Variants in MTMR3 observed in about 807,000 individuals in gnomAD.
MTMR3 encodes the protein myotubularin related protein 3.
In MTMR3, 32 loss-of-function variants were observed where a neutral mutation model predicts 132.4. That is an observed-to-expected ratio of 0.24 (90% CI 0.18 to 0.32). MTMR3 has a LOEUF of 0.32. Among genes scored for constraint, MTMR3 ranks in the 10% least tolerant of loss-of-function variants. MTMR3 has a pLI of 1.00. For missense variants in MTMR3, 1,216 were observed against 1,489.6 expected (o/e 0.82, Z 3.02); for synonymous variants, 556 against 550.3 (o/e 1.01, Z -0.14).
At chr22:29,928,174 T>TC (rs2065561941) in intron 1 of MTMR3, among the ~76,000 whole-genome samples, 5 of 142,496 alleles carry the variant, frequency 3.5e-5, no homozygotes, top group African/African-American at 1.3e-4. Context: ...TTTTTTTCTT[T>TC]TTTTTTTTTT....
chr22:29,988,382 C>T, intron 5 of MTMR3, 98 bp from the exon 6 acceptor site: 1 of 801,008 alleles, frequency 1.2e-6, no homozygotes, highest in Non-Finnish European at 1.9e-6. Context: ...TGTTGCTTTC[C>T]CTTATAGATC....
chr22:30,000,090 TAAC>T lies in MTMR3; in HGVS notation c.557+1234_557+1236del, dbSNP rs1306101256. The T allele has an allele frequency of 2.0e-5, 3 of 152,306 alleles. No homozygotes were observed. In the East Asian group the frequency reaches 5.8e-4, roughly 29 times the overall value. 9.4% of individuals were successfully genotyped at this position (152,306 alleles called of 1,614,324 possible). A position where few individuals can be genotyped will look rare whatever the true frequency, so the allele number is the denominator to read the frequency against. ...AAGTGCGTTGGTGGGGGAGGACAGT[TAAC>T]TACTATGATTTTGGTGATCCAAATT... On this transcript the variant is annotated intron_variant, in intron 8 of 19. Transcript: ENST00000401950.
chr22:29,999,479 T>C (rs1362474623), intron 8 of MTMR3: 1 of 152,230 alleles, frequency 6.6e-6, no homozygotes, highest in African/African-American at 2.4e-5. Context: ...TACAATATTT[T>C]AAATAATTTC....
At chr22:29,907,848 C>G (rs2145740105) in intron 1 of MTMR3, among the ~76,000 whole-genome samples, 1 of 152,204 alleles carries the variant, frequency 6.6e-6, no homozygotes, top group East Asian at 1.9e-4. Context: ...GGCCACCATT[C>G]CAGCTCTACA....
chr22:29,903,958 C>G (rs1440065785), intron 1 of MTMR3, among the ~76,000 whole-genome samples: 1 of 152,122 alleles, frequency 6.6e-6, no homozygotes, highest in Non-Finnish European at 1.5e-5. Flanking sequence ...TGTAGGCTAT[C>G]ATTAATTTTG....
chr22:29,904,159 A>T (rs147800703), intron 1 of MTMR3, among the ~76,000 whole-genome samples: 95 of 152,332 alleles, frequency 6.2e-4, no homozygotes, highest in African/African-American at 2.2e-3. Context: ...GCCAAAATTA[A>T]CACCGTGGGA....
intron 1 of MTMR3, among the ~76,000 whole-genome samples, chr22:29,913,192 G>A (rs1045015317): frequency 6.6e-6 from 1 of 152,130 alleles, no homozygotes; most frequent in African/African-American, 2.4e-5. Context: ...AGACAGCAGT[G>A]AGCCATGATT....
intron 1 of MTMR3, among the ~76,000 whole-genome samples, chr22:29,890,159 G>A (rs1165592654): frequency 2.0e-5 from 3 of 151,650 alleles, no homozygotes; most frequent in African/African-American, 4.8e-5. Flanking sequence ...ACCTGCCTCC[G>A]CCTCCCAAAG....
Position 30,026,824 on chromosome 22 carries a change from T to TA in MTMR3, c.*1024dup, listed in dbSNP as rs1228614407. On this transcript the variant is annotated 3_prime_UTR_variant, in exon 20 of 20. Transcript: ENST00000401950. ...AAGGGGTAGAATCAGCCTTTAGAGTTACAAGCCCCTGGAAAAGGGAGCAGG... is the reference window on the plus strand; with the variant it reads ...AAGGGGTAGAATCAGCCTTTAGAGTTAACAAGCCCCTGGAAAAGGGAGCAGG... 2.0e-5 allele frequency: 3 copies of TA among 152,698 alleles called. No homozygotes were observed. The highest frequency in any genetic ancestry group is 2.9e-5 in the Non-Finnish European group (2 of 67,986). 9.5% of individuals were successfully genotyped at this position (152,698 alleles called of 1,614,324 possible).
At chr22:29,960,633 A>G (rs2066292538) in intron 2 of MTMR3, among the ~76,000 whole-genome samples, 1 of 152,224 alleles carries the variant, frequency 6.6e-6, no homozygotes. Context: ...TATTCTAAGC[A>G]TGTTATATGC....
chr22:29,938,694 C>T (rs1420364826), intron 1 of MTMR3, among the ~76,000 whole-genome samples: 1 of 152,152 alleles, frequency 6.6e-6, no homozygotes, highest in Admixed American at 6.5e-5. Context: ...TTTTCTTGGT[C>T]ATTAGAGTAA....
intron 18 of MTMR3, chr22:30,022,372 C>G (rs1022808489): frequency 3.1e-5 from 19 of 606,510 alleles, no homozygotes; most frequent in Non-Finnish European, 4.1e-5. Context: ...GGAGCCTTGC[C>G]AGCTCTCACA....
At chr22:29,912,611 T>C (rs540018254) in intron 1 of MTMR3, among the ~76,000 whole-genome samples, 7 of 152,348 alleles carry the variant, frequency 4.6e-5, no homozygotes, top group African/African-American at 1.7e-4. Context: ...GTTGTCATTA[T>C]GTTGCCTTTC....
At chr22:29,949,508 C>CA (rs1939155846) in intron 1 of MTMR3, among the ~76,000 whole-genome samples, 3 of 143,498 alleles carry the variant, frequency 2.1e-5, no homozygotes, top group African/African-American at 5.6e-5. Context: ...GCGCCCCCCC[C>CA]CAAAAAAAAA....
intron 1 of MTMR3, among the ~76,000 whole-genome samples, chr22:29,941,560 A>G (rs935313220): frequency 2.0e-5 from 3 of 151,778 alleles, no homozygotes; most frequent in Admixed American, 6.5e-5. Flanking sequence ...GTCCTCACCA[A>G]CATTTGCTCT....
chr22:30,027,449 TC>T lies in MTMR3; in HGVS notation c.*1650del, dbSNP rs1401296522. On this transcript the variant is annotated 3_prime_UTR_variant, in exon 20 of 20. Transcript: ENST00000401950. ...AGAGCATCTGAGCACGTCTCTGACT[TC>T]CAGTGGCAACACAGTTTGAACGTGG... The T allele has an allele frequency of 2.6e-5, 4 of 152,798 alleles. No individual in the cohort carries two copies. Among genetic ancestry groups the T allele is most frequent in the Admixed American group, 6.5e-5 (1 of 15,288 alleles). 9.5% of individuals were successfully genotyped at this position (152,798 alleles called of 1,614,324 possible).
intron 1 of MTMR3, among the ~76,000 whole-genome samples, chr22:29,951,186 G>C (rs1317327526): frequency 6.6e-6 from 1 of 152,042 alleles, no homozygotes; most frequent in South Asian, 2.1e-4. Context: ...TCTGCATGTA[G>C]AAGGGAATAT....
intron 2 of MTMR3, among the ~76,000 whole-genome samples, chr22:29,962,846 A>G (rs1423007286): frequency 6.6e-6 from 1 of 151,784 alleles, no homozygotes; most frequent in South Asian, 2.1e-4. Context: ...CATTTAGCAT[A>G]ATGTTTTTAA....
chr22:29,987,978 T>G (rs1279730664), intron 5 of MTMR3: 1 of 152,706 alleles, frequency 6.5e-6, no homozygotes, highest in Non-Finnish European at 1.5e-5. Context: ...AGCTTAGAAC[T>G]CTAGTCTTTT....
Sources: gnomAD v4.1 joint callset for allele counts (sites outside exome capture counted in the v4.1 genomes callset) on GRCh38, gnomAD v4.1.1 for gene constraint, MANE v1.5 for transcripts, NCBI Gene and HGNC (gene_info 2026-07-23, HGNC 2026-07-21) for gene names.